PLCB1: variants seen among roughly 807,000 people sequenced by gnomAD.
PLCB1 encodes the protein 1-phosphatidylinositol 4,5-bisphosphate phosphodiesterase beta-1.
Under a neutral mutation model 161.8 loss-of-function variants are expected in PLCB1, and 46 were observed. The ratio of observed to expected loss-of-function variants is 0.28; its 90% CI spans 0.22 to 0.36. The LOEUF is 0.36. Ranked by LOEUF, PLCB1 falls within the 10% of genes least tolerant of loss-of-function variation. The pLI is 1.00. For synonymous variants in PLCB1, 517 were observed against 503.7 expected (o/e 1.03, Z -0.35); for missense variants, 1,016 against 1,472.5 (o/e 0.69, Z 5.07).
chr20:8,862,381 C>T (rs947210228), intron 31 of PLCB1, among the ~76,000 whole-genome samples: 13 of 152,232 alleles, frequency 8.5e-5, no homozygotes, highest in East Asian at 5.8e-4. Flanking sequence ...ACATTTTATT[C>T]GCAGCCTGTC....
At chr20:8,553,398 G>A (rs147590343) in intron 3 of PLCB1, among the ~76,000 whole-genome samples, 17 of 152,224 alleles carry the variant, frequency 1.1e-4, no homozygotes, top group South Asian at 1.0e-3. Context: ...AGGTGGAATC[G>A]TTTCTTGAAA....
chr20:8,220,665 G>T (rs1223920331), intron 2 of PLCB1, among the ~76,000 whole-genome samples: 2 of 152,228 alleles, frequency 1.3e-5, no homozygotes, highest in East Asian at 3.9e-4. Context: ...TTCTTCGCTG[G>T]AGCCTAGAGA....
chr20:8,305,176 C>T lies in PLCB1; in HGVS notation c.178-66206C>T, dbSNP rs774221979. The stretch of plus-strand genomic sequence containing the variant: ...TAATTAAGAACACCTGTACTTAACT[C>T]GTGGCCATTTATTCCTTTTCTAGAA... On this transcript the variant is annotated intron_variant, in intron 2 of 31. Coordinates refer to ENST00000338037, the MANE Select transcript of PLCB1 (RefSeq NM_015192.4). Among the ~76,000 whole-genome samples the T allele has an allele frequency of 2.0e-4, 30 of 152,154 alleles. 1 individual carries two copies. Among genetic ancestry groups the T allele is most frequent in the Non-Finnish European group, 1.5e-5 (1 of 68,032 alleles).
At chr20:8,402,892 C>A (rs1056633344) in intron 3 of PLCB1, among the ~76,000 whole-genome samples, 9 of 151,846 alleles carry the variant, frequency 5.9e-5, no homozygotes, top group Non-Finnish European at 2.9e-5. Flanking sequence ...TGATTTTTTT[C>A]ATTTTAACTC....
At chr20:8,279,037 C>T (rs561501913) in intron 2 of PLCB1, among the ~76,000 whole-genome samples, 34 of 151,502 alleles carry the variant, frequency 2.2e-4, no homozygotes, top group African/African-American at 6.1e-4. Flanking sequence ...AAAATTAGAA[C>T]TTTTGTGCAT....
At chr20:8,422,822 C>T (rs1251415465) in intron 3 of PLCB1, among the ~76,000 whole-genome samples, 1 of 152,140 alleles carries the variant, frequency 6.6e-6, no homozygotes, top group Non-Finnish European at 1.5e-5. Context: ...AGCATAGACT[C>T]TGAATTATTG....
intron 3 of PLCB1, among the ~76,000 whole-genome samples, chr20:8,587,978 A>G (rs1341626552): frequency 6.6e-6 from 1 of 152,208 alleles, no homozygotes; most frequent in East Asian, 1.9e-4. Context: ...CCACCAAAAT[A>G]AAAAACTTGT....
intron 2 of PLCB1, among the ~76,000 whole-genome samples, chr20:8,292,783 G>A (rs1983444337): frequency 6.6e-6 from 1 of 152,130 alleles, no homozygotes; most frequent in Non-Finnish European, 1.5e-5. Context: ...ATGGCTCAAT[G>A]TCCACAACTA....
At chr20:8,560,233 G>A (rs765943629) in intron 3 of PLCB1, among the ~76,000 whole-genome samples, 1 of 151,946 alleles carries the variant, frequency 6.6e-6, no homozygotes, top group Non-Finnish European at 1.5e-5. Context: ...ACCGAACTTT[G>A]AGAACTACCC....
intron 2 of PLCB1, among the ~76,000 whole-genome samples, chr20:8,294,160 A>G (rs917628374): frequency 6.6e-6 from 1 of 152,070 alleles, no homozygotes. Context: ...AATTGTATGA[A>G]CCTAACACAA....
intron 10 of PLCB1, among the ~76,000 whole-genome samples, chr20:8,685,522 G>A (rs987962178): frequency 8.1e-5 from 12 of 147,374 alleles, no homozygotes; most frequent in African/African-American, 1.8e-4. Context: ...TCAGGAGTTC[G>A]AGACCAGCCT....
intron 23 of PLCB1, among the ~76,000 whole-genome samples, chr20:8,756,113 T>A (rs1400451427): frequency 6.6e-6 from 1 of 152,190 alleles, no homozygotes; most frequent in African/African-American, 2.4e-5. Flanking sequence ...GTTGTTGTTG[T>A]TTTAATATAA....
At chr20:8,444,146 C>T (rs1021078578) in intron 3 of PLCB1, among the ~76,000 whole-genome samples, 7 of 152,108 alleles carry the variant, frequency 4.6e-5, no homozygotes, top group Admixed American at 1.3e-4. Context: ...CCCATTAACT[C>T]GTCATTTACA....
At chr20:8,527,625 GC>G (rs1984634793) in intron 3 of PLCB1, among the ~76,000 whole-genome samples, 1 of 152,034 alleles carries the variant, frequency 6.6e-6, no homozygotes, top group South Asian at 2.1e-4. Context: ...CTTTTGTGAG[GC>G]ATAGTACAGT....
intron 2 of PLCB1, among the ~76,000 whole-genome samples, chr20:8,260,925 T>G (rs1219232202): frequency 3.9e-5 from 6 of 152,070 alleles, no homozygotes; most frequent in African/African-American, 1.4e-4. Context: ...GTTTATGCCT[T>G]CCACCAATCT....
chr20:8,722,274 T>C, intron 14 of PLCB1, 80 bp from the exon 15 acceptor site: 2 of 1,030,384 alleles, frequency 1.9e-6, no homozygotes. Context: ...TAATTGATTT[T>C]AGGTAAAATA....
At chr20:8,684,231 TA>T (rs1209261155) in intron 9 of PLCB1, among the ~76,000 whole-genome samples, 1 of 38,302 alleles carries the variant, frequency 2.6e-5, no homozygotes, top group Non-Finnish European at 5.1e-5. Context: ...ACTTGTAAAT[TA>T]TTTATTTATT....
intron 4 of PLCB1, among the ~76,000 whole-genome samples, chr20:8,644,690 T>G (rs1286092176): frequency 1.3e-5 from 2 of 148,828 alleles, no homozygotes; most frequent in Admixed American, 6.7e-5. Flanking sequence ...AGCCGCCCCG[T>G]CCGGGAGGGA....
chr20:8,745,234 T>G (rs1445591546), intron 23 of PLCB1, among the ~76,000 whole-genome samples: 1 of 152,216 alleles, frequency 6.6e-6, no homozygotes, highest in Non-Finnish European at 1.5e-5. Flanking sequence ...ACTTTGAGCA[T>G]CAGTGTGTCT....
Sources: allele counts gnomAD v4.1 joint callset (sites outside exome capture counted in the v4.1 genomes callset), GRCh38; gene constraint gnomAD v4.1.1; transcripts MANE v1.5; gene names NCBI Gene and HGNC (gene_info 2026-07-23, HGNC 2026-07-21).